Variants in RSPO2 observed in about 807,000 individuals in gnomAD.
RSPO2 encodes the protein R-spondin-2.
Under a neutral mutation model 30.9 loss-of-function variants are expected in RSPO2, and 14 were observed. The observed-to-expected ratio is 0.45, with a 90% CI of 0.30 to 0.71. RSPO2 has a LOEUF of 0.71. Ranked by LOEUF, RSPO2 falls within the 30% of genes least tolerant of loss-of-function variation. The probability of loss-of-function intolerance (pLI) is 0.08; values close to 1 mark genes in which losing one functional copy is unlikely to be tolerated. For missense variants in RSPO2, 264 were observed against 301.9 expected, an observed-to-expected ratio of 0.87 and a Z score of 0.93; for synonymous variants, 107 against 96.4, an observed-to-expected ratio of 1.11 and a Z score of -0.64.
chr8:107,930,806 G>A (rs552606794), intron 5 of RSPO2, among the ~76,000 whole-genome samples: 1 of 152,284 alleles, frequency 6.6e-6, no homozygotes, highest in East Asian at 1.9e-4. Flanking sequence ...AGCAGAGCCA[G>A]GCATTGAGGT....
At chr8:108,074,262 G>A (rs975041387) in intron 2 of RSPO2, among the ~76,000 whole-genome samples, 6 of 152,146 alleles carry the variant, frequency 3.9e-5, no homozygotes, top group African/African-American at 1.4e-4. Flanking sequence ...CAAATGACTA[G>A]ATGAGAAAAG....
chr8:108,008,877 A>G (rs2130579965), intron 2 of RSPO2, among the ~76,000 whole-genome samples: 1 of 152,156 alleles, frequency 6.6e-6, no homozygotes, highest in East Asian at 1.9e-4. Context: ...GGTCATTGAA[A>G]CATACAATAA....
chr8:108,019,116 T>C (rs1810981529), intron 2 of RSPO2, among the ~76,000 whole-genome samples: 1 of 152,126 alleles, frequency 6.6e-6, no homozygotes, highest in African/African-American at 2.4e-5. Flanking sequence ...TACTCAAAAC[T>C]CTGAACTACC....
chr8:107,914,261 G>A (rs539109995), intron 5 of RSPO2, among the ~76,000 whole-genome samples: 1 of 152,174 alleles, frequency 6.6e-6, no homozygotes, highest in East Asian at 1.9e-4. Flanking sequence ...GCCAGTAACA[G>A]TGAACAGGAA....
intron 3 of RSPO2, among the ~76,000 whole-genome samples, chr8:107,969,648 G>A (rs1356100281): frequency 1.3e-5 from 2 of 152,124 alleles, no homozygotes; most frequent in Admixed American, 6.5e-5. Flanking sequence ...TGCTAAGAAC[G>A]TTAAATGCTT....
chr8:107,908,414 C>T (rs570686423), intron 5 of RSPO2, among the ~76,000 whole-genome samples: 1 of 152,004 alleles, frequency 6.6e-6, no homozygotes, highest in Non-Finnish European at 1.5e-5. Context: ...AAATTATTTT[C>T]ATAAATACTT....
At chr8:107,994,214 T>C (rs375495795) in intron 2 of RSPO2, among the ~76,000 whole-genome samples, 22 of 152,174 alleles carry the variant, frequency 1.4e-4, no homozygotes, top group African/African-American at 5.3e-4. Context: ...TTTATCTAAG[T>C]ATATTTGTAC....
intron 2 of RSPO2, among the ~76,000 whole-genome samples, chr8:108,051,738 T>C (rs780132206): frequency 2.0e-5 from 3 of 152,254 alleles, no homozygotes; most frequent in Non-Finnish European, 4.4e-5. Context: ...GGCCCAGAAA[T>C]ATTCCAAGAC....
chr8:107,934,255 T>C (rs1812645922), intron 5 of RSPO2, among the ~76,000 whole-genome samples: 1 of 152,218 alleles, frequency 6.6e-6, no homozygotes, highest in East Asian at 1.9e-4. Flanking sequence ...AATTCTACTA[T>C]TCAATCTATT....
chr8:108,036,627 C>A (rs908632513), intron 2 of RSPO2, among the ~76,000 whole-genome samples: 4 of 152,170 alleles, frequency 2.6e-5, no homozygotes, highest in African/African-American at 9.7e-5. Flanking sequence ...AAAAATATCT[C>A]ATTTTCTTGC....
intron 2 of RSPO2, among the ~76,000 whole-genome samples, chr8:107,994,901 A>G (rs953880218): frequency 2.6e-5 from 4 of 152,132 alleles, no homozygotes; most frequent in Non-Finnish European, 5.9e-5. Context: ...CCTTTATTAT[A>G]ACAATTTAAT....
At chr8:108,048,520 C>CT (rs1180972746) in intron 2 of RSPO2, among the ~76,000 whole-genome samples, 2 of 152,106 alleles carry the variant, frequency 1.3e-5, no homozygotes, top group East Asian at 3.9e-4. Flanking sequence ...GTGGCGATAT[C>CT]TCCTTTATCA....
chr8:108,082,681 A>T lies in RSPO2; in HGVS notation c.-43T>A. 6.5e-7 allele frequency: 1 copy of T among 1,544,904 alleles called. No homozygotes were observed. Among genetic ancestry groups the T allele is most frequent in the Non-Finnish European group, 8.9e-7 (1 of 1,119,574 alleles). ...GGAGAGACGCCTCTCAAAGTCTAGG[A>T]ACTGGAGGGTTCGCCCAAAGAGCCG... is the stretch of plus-strand genomic sequence containing the variant. On this transcript the variant is annotated 5_prime_UTR_variant, in exon 2 of 6. Coordinates refer to ENST00000276659, the MANE Select transcript of RSPO2 (RefSeq NM_178565.5).
intron 5 of RSPO2, among the ~76,000 whole-genome samples, chr8:107,923,665 C>A (rs1244116697): frequency 2.0e-5 from 3 of 152,056 alleles, no homozygotes; most frequent in Non-Finnish European, 4.4e-5. Context: ...CATGGAATCA[C>A]CCAAGATGCC....
intron 2 of RSPO2, among the ~76,000 whole-genome samples, chr8:108,064,073 A>G (rs1345127495): frequency 2.6e-5 from 4 of 152,140 alleles, no homozygotes; most frequent in African/African-American, 9.7e-5. Flanking sequence ...AACCATAAAA[A>G]CCCTAGAAGA....
intron 2 of RSPO2, among the ~76,000 whole-genome samples, chr8:108,058,596 C>A (rs202176498): frequency 6.6e-6 from 1 of 151,924 alleles, no homozygotes; most frequent in East Asian, 1.9e-4. Context: ...GACTTCAAAC[C>A]ATACTACAAG....
chr8:107,964,671 T>C (rs759958196), intron 3 of RSPO2, among the ~76,000 whole-genome samples: 1 of 152,132 alleles, frequency 6.6e-6, no homozygotes, highest in Non-Finnish European at 1.5e-5. Flanking sequence ...GTTCAGCCAT[T>C]TCTCCAGGAG....
At chr8:107,918,820 G>A (rs971330081) in intron 5 of RSPO2, among the ~76,000 whole-genome samples, 1 of 152,026 alleles carries the variant, frequency 6.6e-6, no homozygotes, top group African/African-American at 2.4e-5. Flanking sequence ...ATCATGATTT[G>A]TTTTTAATAG....
At chr8:107,936,883 T>G (rs1452699785) in intron 5 of RSPO2, among the ~76,000 whole-genome samples, 2 of 152,166 alleles carry the variant, frequency 1.3e-5, no homozygotes, top group African/African-American at 4.8e-5. Flanking sequence ...TTGCATATTC[T>G]GGATATTCGT....
Sources: allele counts gnomAD v4.1 joint callset (sites outside exome capture counted in the v4.1 genomes callset), GRCh38; gene constraint gnomAD v4.1.1; transcripts MANE v1.5; gene names NCBI Gene and HGNC (gene_info 2026-07-23, HGNC 2026-07-21).